Variants in ANO4 observed in about 807,000 individuals in gnomAD.
ANO4 encodes the protein anoctamin-4.
Under a neutral mutation model 141.9 loss-of-function variants are expected in ANO4, and 69 were observed. The ratio of observed to expected loss-of-function variants is 0.49; its 90% CI spans 0.40 to 0.59. The LOEUF is 0.59. Among genes scored for constraint, ANO4 ranks in the 20% least tolerant of loss-of-function variants. The pLI is 0.00. For synonymous variants in ANO4, 350 were observed against 394.3 expected, an observed-to-expected ratio of 0.89 and a Z score of 1.33; for missense variants, 894 against 1,162.2, an observed-to-expected ratio of 0.77 and a Z score of 3.36.
chr12:100,971,863 AAAC>A (rs1023403852), intron 6 of ANO4, among the ~76,000 whole-genome samples: 5 of 151,996 alleles, frequency 3.3e-5, no homozygotes, highest in African/African-American at 7.3e-5. Flanking sequence ...TTTAAAAAAA[AAAC>A]AAAAAAAACC....
chr12:100,946,521 A>C (rs79439801), intron 5 of ANO4, among the ~76,000 whole-genome samples: 11,319 of 152,244 alleles, frequency 0.074, 531 homozygotes, highest in African/African-American at 0.11. Context: ...GGCAGTGTAA[A>C]AAAGAAGAGT....
chr12:100,730,100 C>T (rs1464472627), intron 1 of ANO4, among the ~76,000 whole-genome samples: 1 of 152,076 alleles, frequency 6.6e-6, no homozygotes, highest in East Asian at 1.9e-4. Context: ...TGAAAGTCTT[C>T]TTCCTTCCAA....
intron 3 of ANO4, among the ~76,000 whole-genome samples, chr12:100,782,589 G>A (rs893320051): frequency 6.6e-6 from 1 of 152,136 alleles, no homozygotes; most frequent in African/African-American, 2.4e-5. Flanking sequence ...CAGACATAGG[G>A]TTGAATCTCT....
chr12:100,736,155 G>A (rs1412055293), intron 2 of ANO4, among the ~76,000 whole-genome samples: 1 of 152,150 alleles, frequency 6.6e-6, no homozygotes, highest in East Asian at 1.9e-4. Flanking sequence ...CGGGATGGGA[G>A]CCACGTTGCA....
chr12:100,979,180 G>A (rs975098707), intron 7 of ANO4, among the ~76,000 whole-genome samples: 14 of 152,188 alleles, frequency 9.2e-5, no homozygotes, highest in African/African-American at 3.4e-4. Flanking sequence ...TCCACAAGGA[G>A]GGCTGTGCTT....
chr12:101,098,786 T>G (rs1281854497), intron 21 of ANO4, among the ~76,000 whole-genome samples: 1 of 152,210 alleles, frequency 6.6e-6, no homozygotes, highest in Admixed American at 6.5e-5. Context: ...TTTTATCTTC[T>G]GATAATAAGG....
At chr12:100,956,716 A>T (rs939024974) in intron 5 of ANO4, among the ~76,000 whole-genome samples, 1 of 152,196 alleles carries the variant, frequency 6.6e-6, no homozygotes, top group African/African-American at 2.4e-5. Context: ...AACATCATAT[A>T]GTTATAAAAG....
chr12:100,737,136 C>T (rs557189110), intron 2 of ANO4, among the ~76,000 whole-genome samples: 9 of 152,200 alleles, frequency 5.9e-5, no homozygotes, highest in South Asian at 2.1e-4. Flanking sequence ...TTGGCTGAAA[C>T]GATAGGAAAT....
At chr12:100,775,993 A>T (rs564473859) in intron 3 of ANO4, among the ~76,000 whole-genome samples, 4 of 152,246 alleles carry the variant, frequency 2.6e-5, no homozygotes, top group African/African-American at 9.6e-5. Flanking sequence ...CTGAGAAAAA[A>T]AGCTAACAGG....
intron 1 of ANO4, among the ~76,000 whole-genome samples, chr12:100,890,219 G>A (rs982816842): frequency 1.6e-4 from 24 of 152,114 alleles, no homozygotes; most frequent in Non-Finnish European, 2.9e-4. Flanking sequence ...TGAAGCTCAC[G>A]TAGTAACTCA....
intron 1 of ANO4, among the ~76,000 whole-genome samples, chr12:100,869,534 G>A (rs1048867224): frequency 1.3e-5 from 2 of 152,082 alleles, no homozygotes; most frequent in East Asian, 1.9e-4. Context: ...CAGTTATCAG[G>A]GTCACATTCC....
At chr12:100,795,905 TCTC>T (rs1260021885) in intron 1 of ANO4, among the ~76,000 whole-genome samples, 17 of 152,168 alleles carry the variant, frequency 1.1e-4, no homozygotes, top group African/African-American at 3.4e-4. Flanking sequence ...TTTCACCTGG[TCTC>T]CTGAGGTTTG....
At chr12:100,740,247 C>G (rs2135468471) in intron 3 of ANO4, 1 of 604,026 alleles carries the variant, frequency 1.7e-6, no homozygotes, top group East Asian at 2.8e-5. Flanking sequence ...TTCATACTGG[C>G]TTTTCTTTTT....
chr12:101,042,236 C>T (rs529005144), intron 11 of ANO4, 98 bp from the exon 12 acceptor site: 43 of 1,478,692 alleles, frequency 2.9e-5, no homozygotes, highest in Middle Eastern at 1.8e-4. Flanking sequence ...CAGTTTACCT[C>T]GTAAGGCCGC....
intron 1 of ANO4, among the ~76,000 whole-genome samples, chr12:100,898,510 A>T (rs1259446352): frequency 6.6e-6 from 1 of 152,170 alleles, no homozygotes; most frequent in South Asian, 2.1e-4. Context: ...CATGTAACAT[A>T]CCCACTTTCC....
At chr12:101,046,886 T>G (rs2047653849) in intron 13 of ANO4, among the ~76,000 whole-genome samples, 1 of 152,192 alleles carries the variant, frequency 6.6e-6, no homozygotes, top group Non-Finnish European at 1.5e-5. Context: ...GCCAAAACAA[T>G]GATAACTGCA....
At chr12:101,068,622 A>T (rs1456155128) in intron 14 of ANO4, 2 of 1,387,864 alleles carry the variant, frequency 1.4e-6, no homozygotes, top group Non-Finnish European at 2.0e-6. Flanking sequence ...TTTTTACTGG[A>T]GTTAAGGAGG....
At chr12:100,981,239 A>G (rs1267062104) in intron 7 of ANO4, among the ~76,000 whole-genome samples, 2 of 152,226 alleles carry the variant, frequency 1.3e-5, no homozygotes, top group East Asian at 1.9e-4. Context: ...TATGCTCCAA[A>G]TAGTACCCCT....
chr12:100,983,904 G>T (rs1294166599), intron 7 of ANO4, among the ~76,000 whole-genome samples: 2 of 152,088 alleles, frequency 1.3e-5, no homozygotes, highest in African/African-American at 2.4e-5. Context: ...GGCAACTCTG[G>T]TAACCAGAGG....
Sources: gnomAD v4.1 joint callset for allele counts (sites outside exome capture counted in the v4.1 genomes callset) on GRCh38, gnomAD v4.1.1 for gene constraint, MANE v1.5 for transcripts, NCBI Gene and HGNC (gene_info 2026-07-23, HGNC 2026-07-21) for gene names.